Variants in KRT83 observed in about 807,000 individuals in gnomAD.
KRT83 encodes keratin 83, also known as keratin, type II cuticular Hb3.
In KRT83, 51 loss-of-function variants were observed where a neutral mutation model predicts 52.9. The ratio of observed to expected loss-of-function variants is 0.96; its 90% CI spans 0.77 to 1.22. KRT83 has a LOEUF of 1.22. KRT83 is among the 50% of genes most tolerant of loss of function. The probability of loss-of-function intolerance (pLI) is 0.00; values close to 1 mark genes in which losing one functional copy is unlikely to be tolerated. For missense variants in KRT83, 654 were observed against 666.5 expected (o/e 0.98, Z 0.21); for synonymous variants, 278 against 274.1 (o/e 1.01, Z -0.14).
intron 2 of KRT83, 117 bp downstream of exon 2, chr12:52,319,039 C>G: frequency 6.7e-7 from 1 of 1,485,622 alleles, no homozygotes; most frequent in Non-Finnish European, 9.4e-7. Flanking sequence ...ACAGGGGGTA[C>G]AGGTTCTTCT....
chr12:52,320,185 T>C (rs1251270942), intron 1 of KRT83, among the ~76,000 whole-genome samples: 1 of 152,194 alleles, frequency 6.6e-6, no homozygotes, highest in Non-Finnish European at 1.5e-5. Flanking sequence ...TCCCGATCCT[T>C]TCTGGTGGGC....
chr12:52,321,068 C>T lies in KRT83; in HGVS notation c.268G>A (p.Glu90Lys), dbSNP rs374309148. Reference sequence around the variant, plus strand: ...AGGTTGAGGGGCGTGAGGAGGCTCTCGTTGACCGACACGGTGGTGATGCAT... The same window carrying T: ...AGGTTGAGGGGCGTGAGGAGGCTCTTGTTGACCGACACGGTGGTGATGCAT... ...PPCITTVSVNESLLTPLNLEI... is the reference protein window; with the variant it reads ...PPCITTVSVNKSLLTPLNLEI... The change falls in exon 1 of 9, where the codon GAG becomes AAG. Residue 90 changes from glutamate (E) to lysine (K), a missense_variant. Physicochemically the swap from Glu to Lys is moderately conservative, Grantham distance 56. Coordinates refer to ENST00000293670, the MANE Select transcript of KRT83 (RefSeq NM_002282.3). 43 of 1,612,442 alleles carry T rather than the reference C, an allele frequency of 2.7e-5. No individual in the cohort carries two copies. The African/African-American group carries it at 4.9e-4, about 18-fold the overall frequency.
At chr12:52,315,740 A>C (rs2121337948) in intron 7 of KRT83, among the ~76,000 whole-genome samples, 153 bp downstream of exon 7, 1 of 152,330 alleles carries the variant, frequency 6.6e-6, no homozygotes, top group African/African-American at 2.4e-5. Flanking sequence ...CAGGGTATGG[A>C]TCTTGGAAGA....
chr12:52,315,124 C>T (rs577747678), intron 8 of KRT83, among the ~76,000 whole-genome samples, 188 bp downstream of exon 8: 1 of 152,288 alleles, frequency 6.6e-6, no homozygotes, highest in South Asian at 2.1e-4. Context: ...TTTCCCCTCC[C>T]CAACACATTC....
chr12:52,319,481 A>C (rs1652243135), intron 1 of KRT83, 117 bp from the exon 2 acceptor site: 1 of 1,422,146 alleles, frequency 7.0e-7, no homozygotes, highest in African/African-American at 1.4e-5. Context: ...CTTCCCTGGA[A>C]GGCGTTATGT....
At chr12:52,314,897 G>C in intron 8 of KRT83, 79 bp from the exon 9 acceptor site, 1 of 1,362,980 alleles carries the variant, frequency 7.3e-7, no homozygotes, top group Non-Finnish European at 1.0e-6. Flanking sequence ...TCTGTCTGAT[G>C]TGTCGACCAT....
Position 52,314,773 on chromosome 12 carries a change from A to G in KRT83, c.1340T>C (p.Val447Ala). The part of the protein sequence containing the change: ...RGGVVCGDLC[V>A]SGSRPVTGSV... The stretch of plus-strand genomic sequence containing the variant: ...GCCCGTCACCGGCCGGGAGCCCGAC[A>G]CGCAGAGATCCCCGCACACAACCCC... Residue 447 changes from valine to alanine, a missense_variant, in exon 9 of 9, where the codon GTG (valine) becomes GCG (alanine). By Grantham distance (64) the Val-to-Ala change is moderately conservative. Transcript: ENST00000293670. 6.2e-7 allele frequency: 1 copy of G among 1,606,182 alleles called. No individual in the cohort carries two copies. The highest frequency in any genetic ancestry group is 8.5e-7 in the Non-Finnish European group (1 of 1,177,086).
rs201909879 is a variant in KRT83, at chr12:52,321,025, G to A, written c.311C>T (p.Ala104Val). Residue 104 changes from alanine to valine, a missense_variant, in exon 1 of 9, where the codon GCG becomes GTG. By Grantham distance (64) the Ala-to-Val change is moderately conservative. Transcript: ENST00000293670. ...TPLNLEIDPN[A>V]QCVKQEEKEQ... ...CTTCTCCTCCTGCTTCACGCACTGCGCGTTGGGGTCTATCTCCAGGTTGAG... is the reference window on the plus strand; with the variant it reads ...CTTCTCCTCCTGCTTCACGCACTGCACGTTGGGGTCTATCTCCAGGTTGAG... The A allele has an allele frequency of 3.7e-5, 59 of 1,613,106 alleles. No individual in the cohort carries two copies. The highest frequency in any genetic ancestry group is 2.2e-4 in the Admixed American group (13 of 60,006).
intron 4 of KRT83, 93 bp from the exon 5 acceptor site, chr12:52,317,116 A>T: frequency 6.6e-7 from 1 of 1,512,254 alleles, no homozygotes; most frequent in Non-Finnish European, 9.2e-7. Context: ...TCGGGAGTGA[A>T]CTTCTCATGT....
rs200304640 is a variant in KRT83 at position 52,316,973 on chromosome 12, C to G, written c.801G>C (p.Lys267Asn). Residue 267 changes from lysine (K) to asparagine (N), a missense_variant, in exon 5 of 9, where the codon AAG becomes AAC. Coordinates refer to ENST00000293670, the MANE Select transcript of KRT83 (RefSeq NM_002282.3). ...SHISDTSVVV[K>N]LDNSRDLNMD... ...TGTTCAGGTCCCGGCTGTTGTCCAG[C>G]TTGACAACCACGGAGGTGTCTGAGA... 2 of 1,614,222 alleles carry G rather than the reference C, an allele frequency of 1.2e-6. No individual in the cohort carries two copies. The highest frequency in any genetic ancestry group is 1.7e-6 in the Non-Finnish European group (2 of 1,180,044).
intron 8 of KRT83, 57 bp downstream of exon 8, chr12:52,315,255 T>C: frequency 6.4e-7 from 1 of 1,550,796 alleles, no homozygotes; most frequent in Non-Finnish European, 8.9e-7. Flanking sequence ...ATATTCATAG[T>C]CAAGAAGTCC....
chr12:52,315,867 A>G (rs1264074588), intron 7 of KRT83, 26 bp downstream of exon 7: 4 of 1,612,172 alleles, frequency 2.5e-6, no homozygotes, highest in Non-Finnish European at 3.4e-6. Context: ...ATGCAAGTGG[A>G]GTGCTTAGGG....
chr12:52,316,052 T>C lies in KRT83; in HGVS notation c.1103A>G (p.Asp368Gly), dbSNP rs375064664. ...CAGCTCGGCCAGCTTGCAGCGGGCA[T>C]CACTGAGGGCCGCCTCACCCTGCTG... Reference protein sequence around the residue: ...SEQQGEAALSDARCKLAELEG... With the variant: ...SEQQGEAALSGARCKLAELEG... Residue 368 changes from aspartate to glycine, a missense_variant, in exon 7 of 9, where the codon GAT (aspartate) becomes GGT (glycine). Physicochemically the swap from Asp to Gly is moderately conservative, Grantham distance 94. Transcript: ENST00000293670. 20 of 1,613,626 alleles carry C rather than the reference T, an allele frequency of 1.2e-5. No individual in the cohort carries two copies. The highest frequency in any genetic ancestry group is 1.7e-5 in the Non-Finnish European group (20 of 1,179,956).
intron 2 of KRT83, among the ~76,000 whole-genome samples, chr12:52,318,809 C>T (rs1938726337): frequency 6.6e-6 from 1 of 152,184 alleles, no homozygotes; most frequent in Admixed American, 6.5e-5. Flanking sequence ...GCACAGCGTG[C>T]TGCATGTGGT....
At chr12:52,315,745 G>T in intron 7 of KRT83, 148 bp downstream of exon 7, 1 of 1,212,624 alleles carries the variant, frequency 8.2e-7, no homozygotes, top group Non-Finnish European at 1.2e-6. Flanking sequence ...TATGGATCTT[G>T]GAAGAGTTGA....
rs1271249742 is a variant in KRT83 at position 52,315,873 on chromosome 12, T to C, written c.1262+20A>G. Reference sequence around the variant, plus strand: ...GGCAGGTCTATGCAAGTGGAGTGCTTAGGGCTGGGTTGGACCCACCTCTGC... The same window carrying C: ...GGCAGGTCTATGCAAGTGGAGTGCTCAGGGCTGGGTTGGACCCACCTCTGC... On this transcript the variant is annotated intron_variant, in intron 7 of 8. Transcript: ENST00000293670. 2.5e-6 allele frequency: 4 copies of C among 1,612,072 alleles called. No individual in the cohort carries two copies. The highest frequency in any genetic ancestry group is 1.7e-5 in the Admixed American group (1 of 59,998).
Position 52,319,179 on chromosome 12 carries a change from C to T in KRT83, c.570G>A (p.Glu190=), listed in dbSNP as rs1016289056. The T allele has an allele frequency of 2.5e-6, 4 of 1,613,438 alleles. No individual in the cohort carries two copies. Among genetic ancestry groups the T allele is most frequent in the African/African-American group, 1.3e-5 (1 of 74,926 alleles). ...ACTTCTTCTTGTAGCCCTCCAGCAC[C>T]TCCTGCACGTGGTTGAGCTCTGAGG... ...RLASELNHVQ[E]VLEGYKKKYE... The change falls in exon 2 of 9, where the codon GAG becomes GAA. Residue 190 remains glutamate (E), a synonymous_variant. Transcript: ENST00000293670.
chr12:52,321,075 C>T lies in KRT83; in HGVS notation c.261G>A (p.Ser87=), dbSNP rs1359689232. ...GPSPPCITTV[S]VNESLLTPLN... is the part of the protein sequence containing the mutation. Reference sequence around the variant, plus strand: ...GGGGCGTGAGGAGGCTCTCGTTGACCGACACGGTGGTGATGCATGGGGGGC... The same window carrying T: ...GGGGCGTGAGGAGGCTCTCGTTGACTGACACGGTGGTGATGCATGGGGGGC... Residue 87 remains serine (S), a synonymous_variant, in exon 1 of 9, where the codon TCG becomes TCA. Transcript: ENST00000293670. 1.9e-6 allele frequency: 3 copies of T among 1,612,376 alleles called. No homozygotes were observed. Among genetic ancestry groups the T allele is most frequent in the South Asian group, 1.1e-5 (1 of 91,002 alleles).
In KRT83 at chr12:52,319,373, C is replaced by A; in HGVS notation, c.385-9G>T. 6.2e-7 allele frequency: 1 copy of A among 1,613,810 alleles called. No individual in the cohort carries two copies. The highest frequency in any genetic ancestry group is 1.1e-5 in the South Asian group (1 of 91,074). On this transcript the variant is annotated splice_polypyrimidine_tract_variant and intron_variant, in intron 1 of 8. Transcript: ENST00000293670. The stretch of plus-strand genomic sequence containing the variant: ...TGCTCCAGGAAGCGCACCTGCCACC[C>A]AGAGGCAGAGCCTAAGAACCTCTTC...
Sources: allele counts gnomAD v4.1 joint callset (sites outside exome capture counted in the v4.1 genomes callset), GRCh38; gene constraint gnomAD v4.1.1; transcripts MANE v1.5; gene names NCBI Gene and HGNC (gene_info 2026-07-23, HGNC 2026-07-21).